TTLL9: variants seen among roughly 807,000 people sequenced by gnomAD.
TTLL9 encodes tubulin tyrosine ligase like 9.
A neutral mutation model predicts 65.6 loss-of-function variants in TTLL9; 47 were observed. The ratio of observed to expected loss-of-function variants is 0.72; its 90% confidence interval spans 0.57 to 0.91. The LOEUF is 0.91. Among genes scored for constraint, TTLL9 ranks in the 40% least tolerant of loss-of-function variants. TTLL9 has a pLI of 0.00. For missense variants in TTLL9, 537 were observed against 568.8 expected, an observed-to-expected ratio of 0.94 and a Z score of 0.57; for synonymous variants, 179 against 204.8, an observed-to-expected ratio of 0.87 and a Z score of 1.07.
intron 14 of TTLL9, among the ~76,000 whole-genome samples, chr20:31,942,543 TAA>T (rs574108760): frequency 9.2e-4 from 140 of 152,338 alleles, no homozygotes; most frequent in African/African-American, 3.3e-3. Flanking sequence ...GGGTAGTGGT[TAA>T]GAGTGTGGCT....
intron 2 of TTLL9, among the ~76,000 whole-genome samples, chr20:31,873,461 C>G (rs1456222507): frequency 1.3e-5 from 2 of 151,938 alleles, no homozygotes; most frequent in Non-Finnish European, 2.9e-5. Flanking sequence ...CCAGCCTGGG[C>G]AACATGGCGA....
Position 31,944,681 on chromosome 20 carries a change from A to G in TTLL9, c.*1660A>G, listed in dbSNP as rs566337942. 3.3e-5 allele frequency: 5 copies of G among 152,354 alleles called. 1 individual carries two copies. Among genetic ancestry groups the G allele is most frequent in the Non-Finnish European group, 1.5e-5 (1 of 68,036 alleles). 9.4% of individuals were successfully genotyped at this position (152,354 alleles called of 1,614,324 possible). A position where few individuals can be genotyped will look rare whatever the true frequency, so the allele number is the denominator to read the frequency against. On this transcript the variant is annotated 3_prime_UTR_variant, in exon 15 of 15. Transcript: ENST00000535842. Reference sequence around the variant, plus strand: ...TTTCTGCATTAGTCAAAAATATTTAAAAGGAGATTCAACTTCACAACCCAT... The same window carrying G: ...TTTCTGCATTAGTCAAAAATATTTAGAAGGAGATTCAACTTCACAACCCAT...
chr20:31,925,225 G>T (rs1268766953), intron 9 of TTLL9, among the ~76,000 whole-genome samples, 176 bp downstream of exon 9: 1 of 152,076 alleles, frequency 6.6e-6, no homozygotes, highest in Non-Finnish European at 1.5e-5. Context: ...CTTATCTGAG[G>T]TTTACCATCT....
At chr20:31,894,380 G>A (rs1284551302) in intron 3 of TTLL9, among the ~76,000 whole-genome samples, 3 of 151,994 alleles carry the variant, frequency 2.0e-5, no homozygotes. Context: ...TTACAGGTAT[G>A]AGCCACTTGG....
chr20:31,924,912 G>C, intron 8 of TTLL9, 97 bp from the exon 9 acceptor site: 1 of 1,343,950 alleles, frequency 7.4e-7, no homozygotes. Flanking sequence ...CATGAAGGCG[G>C]GGTTTCCTGT....
chr20:31,902,595 G>C (rs1420046132), intron 4 of TTLL9, among the ~76,000 whole-genome samples: 2 of 152,040 alleles, frequency 1.3e-5, no homozygotes, highest in Admixed American at 6.5e-5. Flanking sequence ...TTAATTGATA[G>C]GTGTTTAGGT....
intron 12 of TTLL9, among the ~76,000 whole-genome samples, chr20:31,935,538 G>A (rs1265537363): frequency 6.6e-6 from 1 of 152,208 alleles, no homozygotes; most frequent in East Asian, 1.9e-4. Context: ...CCATGTAAGT[G>A]TTGAGGGGCT....
At chr20:31,888,168 G>T (rs1320624790) in intron 3 of TTLL9, among the ~76,000 whole-genome samples, 3 of 152,176 alleles carry the variant, frequency 2.0e-5, no homozygotes, top group Non-Finnish European at 4.4e-5. Flanking sequence ...ACAGGCGTGA[G>T]CCACCACGCC....
intron 9 of TTLL9, chr20:31,925,835 C>A: frequency 6.5e-7 from 1 of 1,533,436 alleles, no homozygotes. Context: ...TATATATTCC[C>A]TTTCCCTTCT....
Position 31,887,252 on chromosome 20 carries a change from A to T in TTLL9, c.113+13A>T. On this transcript the variant is annotated intron_variant, in intron 3 of 14. Coordinates refer to ENST00000535842, the MANE Select transcript of TTLL9 (RefSeq NM_001008409.5). ...AGGGAAAAGAGCGGTGAGTGGTCCC[A>T]TCCAATCCAACAATCACAGCGCAAC... 2.5e-6 allele frequency: 4 copies of T among 1,614,180 alleles called. No homozygotes were observed. Among genetic ancestry groups the T allele is most frequent in the Non-Finnish European group, 3.4e-6 (4 of 1,180,024 alleles).
chr20:31,933,576 G>A (rs1460833210), intron 10 of TTLL9, among the ~76,000 whole-genome samples: 1 of 152,114 alleles, frequency 6.6e-6, no homozygotes, highest in Non-Finnish European at 1.5e-5. Context: ...TTAAAAGGTG[G>A]GGAAATAGGC....
At chr20:31,892,872 G>A (rs936688852) in intron 3 of TTLL9, among the ~76,000 whole-genome samples, 1 of 152,110 alleles carries the variant, frequency 6.6e-6, no homozygotes, top group African/African-American at 2.4e-5. Context: ...GCTCCCCTCT[G>A]ATCGTTTGTG....
chr20:31,870,883 C>A lies in TTLL9; in HGVS notation c.-72C>A. On this transcript the variant is annotated 5_prime_UTR_variant, in exon 1 of 15. Coordinates refer to ENST00000535842, the MANE Select transcript of TTLL9 (RefSeq NM_001008409.5). This position sits in a 1 kb window ranked among gnomAD's most constrained non-coding sequence, Gnocchi z 6.6. ...CTCCCGCCTCGGCTTCTAGCAGAAA[C>A]GTGACGGGGCTGGACTTTGATCGCC... 2 of 551,176 alleles carry A rather than the reference C, an allele frequency of 3.6e-6. No homozygotes were observed. Among genetic ancestry groups the A allele is most frequent in the South Asian group, 5.1e-5 (2 of 38,922 alleles). 34.1% of individuals were successfully genotyped at this position (551,176 alleles called of 1,614,324 possible).
chr20:31,909,900 G>A lies in TTLL9; in HGVS notation c.482G>A (p.Gly161Glu). ...LFVEEFRKNPGITWIMKPVAR... is the reference protein window; with the variant it reads ...LFVEEFRKNPEITWIMKPVAR... The stretch of plus-strand genomic sequence containing the variant: ...GTAGAGGAGTTTCGCAAAAACCCAG[G>A]AATCACCTGGATCATGAAGCCTGTG... The change falls in exon 6 of 15, where the codon GGA becomes GAA. Residue 161 changes from glycine to glutamate, a missense_variant. Physicochemically the swap from Gly to Glu is moderately conservative, Grantham distance 98. This residue lies in a region of TTLL9 where 320 missense variants were observed against 311.0 expected (regional missense o/e 1.03). Coordinates refer to ENST00000535842, the MANE Select transcript of TTLL9 (RefSeq NM_001008409.5). 6.9e-7 allele frequency: 1 copy of A among 1,458,858 alleles called. No individual in the cohort carries two copies. The highest frequency in any genetic ancestry group is 1.1e-5 in the South Asian group (1 of 89,408). The allele number at this position is 1,458,858 out of a possible 1,614,324, so 90.4% of individuals were successfully genotyped here.
At position 31,871,041 on chromosome 20, in the gene TTLL9, C is replaced by G. The variant is rs1466529580; in HGVS notation, c.-5-81C>G. 1.4e-5 allele frequency: 18 copies of G among 1,313,112 alleles called. No individual in the cohort carries two copies. The East Asian group carries it at 4.1e-4, about 30-fold the overall frequency. The allele number at this position is 1,313,112 out of a possible 1,614,324, so 81.3% of individuals were successfully genotyped here. A position where few individuals can be genotyped will look rare whatever the true frequency, so the allele number is the denominator to read the frequency against. On this transcript the variant is annotated intron_variant, in intron 1 of 14. Transcript: ENST00000535842. ...CTTTCCCATCCATTCTCCCACCCTC[C>G]TGTTCACTCATTCACTCGTCCATCT...
intron 6 of TTLL9, among the ~76,000 whole-genome samples, chr20:31,917,970 GTGTC>G (rs2063760104): frequency 6.6e-6 from 1 of 152,146 alleles, no homozygotes. Flanking sequence ...GGAGAGTTGT[GTGTC>G]TGTTCCCATA....
At chr20:31,940,991 G>A (rs2064195505) in intron 14 of TTLL9, 1 of 152,010 alleles carries the variant, frequency 6.6e-6, no homozygotes, top group Non-Finnish European at 1.5e-5. Context: ...GCCGAGGCGG[G>A]CGGATCATGA....
chr20:31,904,809 G>C (rs1343787816), intron 4 of TTLL9, among the ~76,000 whole-genome samples: 1 of 152,058 alleles, frequency 6.6e-6, no homozygotes, highest in Admixed American at 6.5e-5. Context: ...GTATCAGTTT[G>C]GCTCATTGCA....
At chr20:31,925,932 C>T (rs4911195) in intron 9 of TTLL9, 117 bp from the exon 10 acceptor site, 270,377 of 1,557,536 alleles carry the variant, frequency 0.17, 26,029 homozygotes, top group East Asian at 0.32. Context: ...CCAACACCCG[C>T]TTCACACTGA....
Sources: allele counts gnomAD v4.1 joint callset (sites outside exome capture counted in the v4.1 genomes callset), GRCh38; gene constraint gnomAD v4.1.1; regional missense constraint gnomAD v4.1.1; non-coding constraint Gnocchi (gnomAD v3.1); transcripts MANE v1.5; gene names NCBI Gene and HGNC (gene_info 2026-07-23, HGNC 2026-07-21).